ATP10A: variants seen among roughly 807,000 people sequenced by gnomAD.
ATP10A encodes the protein phospholipid-transporting ATPase VA.
ATP10A carries 111 observed loss-of-function variants against 147.8 expected under a neutral mutation model. The ratio of observed to expected loss-of-function variants is 0.75; its 90% confidence interval spans 0.64 to 0.88. ATP10A has a LOEUF of 0.88. Ranked by LOEUF, ATP10A falls within the 40% of genes least tolerant of loss-of-function variation. The pLI is 0.00. For missense variants in ATP10A, 1,927 were observed against 1,959.0 expected, an observed-to-expected ratio of 0.98 and a Z score of 0.31; for synonymous variants, 875 against 841.6, an observed-to-expected ratio of 1.04 and a Z score of -0.69.
chr15:25,691,041 C>A (rs1350513337), intron 15 of ATP10A, among the ~76,000 whole-genome samples: 2 of 152,160 alleles, frequency 1.3e-5, no homozygotes, highest in Non-Finnish European at 2.9e-5. Context: ...ACTGAGTCAG[C>A]AAATGAATCA....
chr15:25,756,837 T>C (rs1414139591), intron 2 of ATP10A, among the ~76,000 whole-genome samples: 1 of 152,230 alleles, frequency 6.6e-6, no homozygotes, highest in African/African-American at 2.4e-5. Flanking sequence ...ACCTGTGTAT[T>C]TAACTTTAGG....
Position 25,723,800 on chromosome 15 carries a change from G to A in ATP10A, c.1110+91C>T, listed in dbSNP as rs141780634. 5.2e-4 allele frequency: 635 copies of A among 1,224,898 alleles called. 3 individuals are homozygous for A. The African/African-American group carries it at 9.2e-3, about 18-fold the overall frequency. The allele number at this position is 1,224,898 out of a possible 1,614,324, so 75.9% of individuals were successfully genotyped here. On this transcript the variant is annotated intron_variant, in intron 6 of 20. Transcript: ENST00000555815. ...TATATTTGCCATCTTCCTAGATGCAGAATTTATAGGAAATTCTGAACAGAG... is the reference window on the plus strand; with the variant it reads ...TATATTTGCCATCTTCCTAGATGCAAAATTTATAGGAAATTCTGAACAGAG...
In ATP10A at chr15:25,702,118, A is replaced by T. The variant is rs771390163; in HGVS notation, c.2576-18T>A. On this transcript the variant is annotated intron_variant, in intron 12 of 20. Transcript: ENST00000555815. The stretch of plus-strand genomic sequence containing the variant: ...AGTGGCACCTGGTCAAATGCACAGC[A>T]GTGTGAGCGAACCCGCTTCTCACGT... 2 of 1,601,340 alleles carry T rather than the reference A, an allele frequency of 1.2e-6. No homozygotes were observed. Among genetic ancestry groups the T allele is most frequent in the African/African-American group, 2.7e-5 (2 of 74,614 alleles).
rs1169876313 is a variant in ATP10A at position 25,679,325 on chromosome 15, G to A, written c.*16C>T. ...ACATTTATTTATATATATTAAAAAA[G>A]GCCATTTCAAGGTTTTCACTGTGAC... is the stretch of plus-strand genomic sequence containing the variant. On this transcript the variant is annotated 3_prime_UTR_variant, in exon 21 of 21. Transcript: ENST00000555815. 5 of 1,394,552 alleles carry A rather than the reference G, an allele frequency of 3.6e-6. No individual in the cohort carries two copies. The highest frequency in any genetic ancestry group is 3.8e-6 in the Non-Finnish European group (4 of 1,064,874). The allele number at this position is 1,394,552 out of a possible 1,614,324, so 86.4% of individuals were successfully genotyped here.
intron 1 of ATP10A, among the ~76,000 whole-genome samples, chr15:25,801,764 C>G (rs545293078): frequency 1.3e-5 from 2 of 152,344 alleles, no homozygotes; most frequent in African/African-American, 2.4e-5. Context: ...AATGGCATCA[C>G]AGCCCACCTG....
intron 2 of ATP10A, among the ~76,000 whole-genome samples, chr15:25,745,085 G>A (rs1243152827): frequency 2.0e-5 from 3 of 152,212 alleles, no homozygotes; most frequent in Admixed American, 2.0e-4. Flanking sequence ...CAGCACTTTG[G>A]GAGGCTGAGG....
At chr15:25,791,329 A>G (rs1890413790) in intron 1 of ATP10A, among the ~76,000 whole-genome samples, 1 of 151,648 alleles carries the variant, frequency 6.6e-6, no homozygotes, top group Non-Finnish European at 1.5e-5. Flanking sequence ...TTAACTCTGC[A>G]TGTTTCCCCT....
At chr15:25,718,759 C>T (rs955119384) in intron 7 of ATP10A, among the ~76,000 whole-genome samples, 1 of 152,100 alleles carries the variant, frequency 6.6e-6, no homozygotes, top group Admixed American at 6.5e-5. Flanking sequence ...GGAGGCAGGA[C>T]AGAGGGTGGC....
In ATP10A at chr15:25,679,674, G is replaced by A. The variant is rs778954205; in HGVS notation, c.4167C>T (p.Ser1389=). ...GCGCAGAGGACATGGGGGCCGGTGC[G>A]CTCAGCCCCTCCAGCAGGGTGTGCT... is the stretch of plus-strand genomic sequence containing the variant. ...VREHTLLEGL[S]APAPMSSAPG... Residue 1389 remains serine, a synonymous_variant, in exon 21 of 21, where the codon AGC becomes AGT. Transcript: ENST00000555815. 5.6e-6 allele frequency: 9 copies of A among 1,613,142 alleles called. No homozygotes were observed. Among genetic ancestry groups the A allele is most frequent in the East Asian group, 2.2e-5 (1 of 44,874 alleles).
intron 2 of ATP10A, among the ~76,000 whole-genome samples, chr15:25,773,233 C>T (rs1228739009): frequency 6.6e-6 from 1 of 152,098 alleles, no homozygotes; most frequent in Admixed American, 6.6e-5. Flanking sequence ...CAGTGAGAAC[C>T]AAAATACAGC....
chr15:25,723,850 T>C (rs1435458539), intron 6 of ATP10A, 41 bp downstream of exon 6: 5 of 1,499,074 alleles, frequency 3.3e-6, no homozygotes, highest in South Asian at 1.4e-5. Context: ...GTTCTCTTCA[T>C]AAAAGTAAAG....
At chr15:25,721,523 AAAATCAGT>A in intron 7 of ATP10A, 126 bp downstream of exon 7, 1 of 1,262,344 alleles carries the variant, frequency 7.9e-7, no homozygotes, top group South Asian at 1.5e-5. Flanking sequence ...TACTCCCTTG[AAAATCAGT>A]AATCCCTGAA....
chr15:25,728,088 G>A (rs1379292192), intron 3 of ATP10A, among the ~76,000 whole-genome samples: 1 of 152,160 alleles, frequency 6.6e-6, no homozygotes, highest in Non-Finnish European at 1.5e-5. Context: ...CCAAGGGAGT[G>A]CCTTCCGAGA....
intron 17 of ATP10A, among the ~76,000 whole-genome samples, chr15:25,681,957 G>A (rs1899437719): frequency 1.3e-5 from 2 of 151,768 alleles, no homozygotes; most frequent in South Asian, 2.1e-4. Flanking sequence ...AGGAGGCTGA[G>A]GCAGGAGAAT....
chr15:25,781,565 G>C (rs577362583), intron 1 of ATP10A, among the ~76,000 whole-genome samples: 1 of 152,020 alleles, frequency 6.6e-6, no homozygotes, highest in East Asian at 1.9e-4. Flanking sequence ...TGAGGCAGGA[G>C]AATCACTTGA....
intron 4 of ATP10A, among the ~76,000 whole-genome samples, chr15:25,726,754 A>G (rs531505173): frequency 6.6e-6 from 1 of 150,682 alleles, no homozygotes; most frequent in Admixed American, 6.6e-5. Flanking sequence ...TGCTACTCTT[A>G]GAAAACGGTG....
chr15:25,860,394 TATG>T (rs1489039811), intron 1 of ATP10A, among the ~76,000 whole-genome samples: 2 of 152,158 alleles, frequency 1.3e-5, no homozygotes, highest in East Asian at 3.9e-4. Context: ...AGACATGCCC[TATG>T]GTGCCATCTG....
chr15:25,718,233 C>T lies in ATP10A; in HGVS notation c.1530G>A (p.Glu510=), dbSNP rs1415759809. 7 of 1,613,064 alleles carry T rather than the reference C, an allele frequency of 4.3e-6. No individual in the cohort carries two copies. Among genetic ancestry groups the T allele is most frequent in the Middle Eastern group, 1.7e-4 (1 of 6,042 alleles). The change falls in exon 8 of 21, where the codon GAG becomes GAA. Residue 510 remains glutamate, a synonymous_variant. Coordinates refer to ENST00000555815, the MANE Select transcript of ATP10A (RefSeq NM_024490.4). ...KSHRRTGSRA[E]AKRASMLSKH... ...TGGACAGCATGCTGGCCCTCTTGGC[C>T]TCGGCCCGGCTGCCCGTGCGCCGGT...
At chr15:25,804,665 C>A (rs539169889) in intron 1 of ATP10A, among the ~76,000 whole-genome samples, 29 of 152,148 alleles carry the variant, frequency 1.9e-4, no homozygotes, top group Non-Finnish European at 3.7e-4. Context: ...CCTGGAAAAG[C>A]ATCTCACTCC....
Sources: gnomAD v4.1 joint callset for allele counts (sites outside exome capture counted in the v4.1 genomes callset) on GRCh38, gnomAD v4.1.1 for gene constraint, MANE v1.5 for transcripts, NCBI Gene and HGNC (gene_info 2026-07-23, HGNC 2026-07-21) for gene names.